The following ATXN1 variants were observed in gnomAD, a reference collection of about 807,000 sequenced individuals.
ATXN1 encodes the protein ataxin 1, also known as ataxin-1.
In ATXN1, 8 loss-of-function variants were observed where a neutral mutation model predicts 56.4. The ratio of observed to expected loss-of-function variants is 0.14; its 90% CI spans 0.08 to 0.26. ATXN1 has a LOEUF of 0.26. ATXN1 is among the 10% of genes least tolerant of loss of function. The probability of loss-of-function intolerance (pLI) is 1.00; values close to 1 mark genes in which losing one functional copy is unlikely to be tolerated. For missense variants in ATXN1, 987 were observed against 1,106.5 expected (o/e 0.89, Z 1.53); for synonymous variants, 514 against 494.6 (o/e 1.04, Z -0.52).
chr6:16,711,678 C>T (rs1052393887), intron 2 of ATXN1, among the ~76,000 whole-genome samples: 1 of 151,824 alleles, frequency 6.6e-6, no homozygotes, highest in African/African-American at 2.4e-5. Flanking sequence ...TGCAGTGGCA[C>T]CATCATGACT....
At chr6:16,330,858 A>C (rs1449929770) in intron 6 of ATXN1, among the ~76,000 whole-genome samples, 1 of 152,232 alleles carries the variant, frequency 6.6e-6, no homozygotes, top group Non-Finnish European at 1.5e-5. Context: ...AGGACATTTC[A>C]GTAAGAATAG....
intron 3 of ATXN1, among the ~76,000 whole-genome samples, chr6:16,594,786 G>C (rs1223493655): frequency 2.0e-5 from 3 of 152,034 alleles, no homozygotes; most frequent in Non-Finnish European, 4.4e-5. Context: ...CAGCCTACAG[G>C]CTCAAATTCT....
chr6:16,683,697 A>G (rs1050058251), intron 2 of ATXN1, among the ~76,000 whole-genome samples: 9 of 152,100 alleles, frequency 5.9e-5, no homozygotes, highest in African/African-American at 2.2e-4. Flanking sequence ...GTAACTTTGA[A>G]CTCCATTCTA....
chr6:16,491,340 A>T (rs1314118536), intron 5 of ATXN1, among the ~76,000 whole-genome samples: 1 of 148,054 alleles, frequency 6.8e-6, no homozygotes, highest in Non-Finnish European at 1.5e-5. Flanking sequence ...GCTGGAGTGC[A>T]ATGGCGCAAT....
intron 3 of ATXN1, among the ~76,000 whole-genome samples, chr6:16,645,445 G>C (rs1763784304): frequency 6.6e-6 from 1 of 152,180 alleles, no homozygotes; most frequent in Non-Finnish European, 1.5e-5. Flanking sequence ...TTCCTTAAAA[G>C]CAACTGTGTA....
At chr6:16,475,897 T>A (rs1408564506) in intron 6 of ATXN1, among the ~76,000 whole-genome samples, 60 of 148,382 alleles carry the variant, frequency 4.0e-4, no homozygotes, top group African/African-American at 1.4e-3. Context: ...TGAGATGGAG[T>A]CTCACTCTGT....
Position 16,503,436 on chromosome 6 carries a change from C to T in ATXN1, c.-298-17327G>A, listed in dbSNP as rs141372934. Among the ~76,000 whole-genome samples, 427 of 152,322 alleles carry T rather than the reference C, an allele frequency of 2.8e-3. 2 individuals carry two copies. Among genetic ancestry groups the T allele is most frequent in the African/African-American group, 9.9e-3 (410 of 41,564 alleles). On this transcript the variant is annotated intron_variant, in intron 5 of 7. Transcript: ENST00000436367. ...TGCACCATGCTGTTTGTTCCCTGTG[C>T]TTTGTCCATGCTGTCCCTTGGCAGG...
intron 4 of ATXN1, among the ~76,000 whole-genome samples, chr6:16,523,012 C>T (rs949578540): frequency 4.6e-5 from 7 of 152,106 alleles, no homozygotes; most frequent in Admixed American, 6.5e-5. Context: ...CTTAAAATGT[C>T]ATGTCCTCCA....
At chr6:16,709,264 G>C (rs979559826) in intron 2 of ATXN1, among the ~76,000 whole-genome samples, 3 of 152,002 alleles carry the variant, frequency 2.0e-5, no homozygotes, top group Admixed American at 2.0e-4. Flanking sequence ...ACACTAAATA[G>C]ATAAGAAGAA....
chr6:16,498,466 G>C (rs1010603479), intron 5 of ATXN1, among the ~76,000 whole-genome samples: 1 of 152,094 alleles, frequency 6.6e-6, no homozygotes, highest in Non-Finnish European at 1.5e-5. Flanking sequence ...ACATGTTTTT[G>C]TTTGAATACC....
At chr6:16,752,886 A>C (rs1760765540) in intron 2 of ATXN1, 1 of 197,778 alleles carries the variant, frequency 5.1e-6, no homozygotes, top group African/African-American at 2.4e-5. Context: ...TAAAATGCAA[A>C]AACTGTGACT....
intron 6 of ATXN1, among the ~76,000 whole-genome samples, chr6:16,478,276 A>C (rs1288027354): frequency 2.0e-5 from 3 of 152,162 alleles, no homozygotes; most frequent in Non-Finnish European, 4.4e-5. Context: ...CTAGCTTTAG[A>C]TAGGAGCTGC....
At chr6:16,533,845 A>G (rs1366299672) in intron 4 of ATXN1, among the ~76,000 whole-genome samples, 2 of 152,172 alleles carry the variant, frequency 1.3e-5, no homozygotes, top group Admixed American at 1.3e-4. Flanking sequence ...ACCATGCACA[A>G]GAGGTGACTT....
chr6:16,514,583 A>C (rs1761143163), intron 5 of ATXN1, among the ~76,000 whole-genome samples: 1 of 152,118 alleles, frequency 6.6e-6, no homozygotes, highest in Admixed American at 6.6e-5. Context: ...ATTTGATCCT[A>C]AACCTTGGGG....
intron 3 of ATXN1, among the ~76,000 whole-genome samples, chr6:16,626,897 G>A (rs1763416764): frequency 6.6e-6 from 1 of 152,180 alleles, no homozygotes; most frequent in Non-Finnish European, 1.5e-5. Flanking sequence ...AAGCCAAGGA[G>A]AAGGACTTCA....
intron 4 of ATXN1, among the ~76,000 whole-genome samples, chr6:16,577,926 C>T (rs936799757): frequency 4.6e-5 from 7 of 152,036 alleles, no homozygotes; most frequent in Admixed American, 2.0e-4. Flanking sequence ...TATAGAGATG[C>T]GGAAAAAACC....
intron 3 of ATXN1, among the ~76,000 whole-genome samples, chr6:16,622,845 GTCTT>G (rs1003532181): frequency 1.3e-5 from 2 of 151,978 alleles, no homozygotes; most frequent in Non-Finnish European, 2.9e-5. Context: ...TCTAATCCAT[GTCTT>G]TCTAAGCTTC....
chr6:16,702,910 G>A (rs1470842414), intron 2 of ATXN1, among the ~76,000 whole-genome samples: 1 of 152,102 alleles, frequency 6.6e-6, no homozygotes, highest in East Asian at 1.9e-4. Flanking sequence ...AACCATTGTG[G>A]AAGTCAGTGT....
At chr6:16,377,135 CAAA>C (rs1762156009) in intron 6 of ATXN1, among the ~76,000 whole-genome samples, 1 of 152,084 alleles carries the variant, frequency 6.6e-6, no homozygotes, top group South Asian at 2.1e-4. Context: ...ATCTATGAAC[CAAA>C]AAAATCAAAC....
Sources: gnomAD v4.1 joint callset for allele counts (sites outside exome capture counted in the v4.1 genomes callset) on GRCh38, gnomAD v4.1.1 for gene constraint, MANE v1.5 for transcripts, NCBI Gene and HGNC (gene_info 2026-07-23, HGNC 2026-07-21) for gene names.